Variants in LRIG1 observed in about 807,000 individuals in gnomAD.
LRIG1 encodes leucine rich repeats and immunoglobulin like domains 1.
Under a neutral mutation model 99.2 loss-of-function variants are expected in LRIG1, and 48 were observed. That is an observed-to-expected ratio of 0.48 (90% CI 0.38 to 0.62). The LOEUF is 0.62. Ranked by LOEUF, LRIG1 falls within the 20% of genes least tolerant of loss-of-function variation. LRIG1 has a pLI of 0.00. For synonymous variants in LRIG1, 772 were observed against 596.1 expected, an observed-to-expected ratio of 1.29 and a Z score of -4.30; for missense variants, 1,646 against 1,434.4, an observed-to-expected ratio of 1.15 and a Z score of -2.38.
chr3:66,383,500 G>T, intron 14 of LRIG1, 99 bp from the exon 15 acceptor site: 2 of 1,064,470 alleles, frequency 1.9e-6, no homozygotes, highest in Non-Finnish European at 2.7e-6. Context: ...ATATCAATGA[G>T]ATGCATCTGA....
intron 14 of LRIG1, 58 bp from the exon 15 acceptor site, chr3:66,383,459 G>A (rs1701205925): frequency 5.6e-6 from 8 of 1,436,176 alleles, no homozygotes; most frequent in East Asian, 2.3e-5. Flanking sequence ...CTCTGGCTCT[G>A]CCCGGTCTTC....
At chr3:66,393,980 G>T in intron 12 of LRIG1, 60 bp downstream of exon 12, 1 of 1,566,836 alleles carries the variant, frequency 6.4e-7, no homozygotes, top group Non-Finnish European at 8.7e-7. Context: ...ATAATGAAGA[G>T]TACCTCCTGG....
chr3:66,443,758 T>C (rs1435364708), intron 3 of LRIG1, among the ~76,000 whole-genome samples: 3 of 152,192 alleles, frequency 2.0e-5, no homozygotes, highest in South Asian at 2.1e-4. Flanking sequence ...GAGTGGGGCA[T>C]GTGCTGGCCA....
chr3:66,477,860 C>T (rs34769035), intron 1 of LRIG1, among the ~76,000 whole-genome samples: 125,458 of 151,876 alleles, frequency 0.83, 54,701 homozygotes, highest in Non-Finnish European at 0.97. Context: ...TGATGCACTA[C>T]AGGATAGGAG....
intron 3 of LRIG1, among the ~76,000 whole-genome samples, chr3:66,423,449 T>C (rs1702882634): frequency 6.6e-6 from 1 of 152,148 alleles, no homozygotes; most frequent in African/African-American, 2.4e-5. Context: ...CGCATGCCTG[T>C]AATCCCAGCT....
chr3:66,385,009 T>TG (rs1259902594), intron 13 of LRIG1, among the ~76,000 whole-genome samples: 1 of 152,138 alleles, frequency 6.6e-6, no homozygotes, highest in Non-Finnish European at 1.5e-5. Flanking sequence ...CTGTGATCTG[T>TG]GGGGGCTTAA....
At chr3:66,394,630 C>G (rs903746807) in intron 11 of LRIG1, among the ~76,000 whole-genome samples, 1 of 152,100 alleles carries the variant, frequency 6.6e-6, no homozygotes, top group African/African-American at 2.4e-5. Context: ...ACCATCCCCC[C>G]TCTGGTTTTT....
intron 3 of LRIG1, among the ~76,000 whole-genome samples, chr3:66,419,430 C>G (rs1245062886): frequency 6.6e-6 from 1 of 152,194 alleles, no homozygotes; most frequent in Non-Finnish European, 1.5e-5. Flanking sequence ...GCAGAAGAGG[C>G]AGCCGTGGAG....
chr3:66,486,514 C>T (rs1700978642), intron 1 of LRIG1, among the ~76,000 whole-genome samples: 1 of 152,172 alleles, frequency 6.6e-6, no homozygotes, highest in South Asian at 2.1e-4. Flanking sequence ...CTGCTCTGGG[C>T]TTTTCACTGG....
intron 1 of LRIG1, among the ~76,000 whole-genome samples, chr3:66,495,947 G>C (rs1701217432): frequency 6.6e-6 from 1 of 152,190 alleles, no homozygotes. Context: ...ATGGACTCAG[G>C]GAAGCTGCAG....
chr3:66,452,834 G>A (rs564927247), intron 2 of LRIG1, among the ~76,000 whole-genome samples: 1 of 152,292 alleles, frequency 6.6e-6, no homozygotes, highest in South Asian at 2.1e-4. Context: ...GGCAATTACT[G>A]GGCTGTGGGA....
intron 14 of LRIG1, 74 bp from the exon 15 acceptor site, chr3:66,383,475 A>T: frequency 1.5e-6 from 2 of 1,321,446 alleles, no homozygotes; most frequent in Non-Finnish European, 2.1e-6. Flanking sequence ...TCTTCTGGAC[A>T]ACGGACAATC....
chr3:66,398,589 A>G (rs796735741), intron 10 of LRIG1, among the ~76,000 whole-genome samples: 3 of 152,202 alleles, frequency 2.0e-5, no homozygotes, highest in African/African-American at 7.2e-5. Context: ...CCCAGCACCT[A>G]CTCTGCATTG....
At chr3:66,420,029 A>C (rs1395812840) in intron 3 of LRIG1, among the ~76,000 whole-genome samples, 4 of 152,220 alleles carry the variant, frequency 2.6e-5, no homozygotes, top group Non-Finnish European at 5.9e-5. Flanking sequence ...CCACGGAATA[A>C]GAGAAAATAT....
intron 3 of LRIG1, among the ~76,000 whole-genome samples, chr3:66,421,911 A>G (rs894951622): frequency 3.1e-4 from 47 of 152,250 alleles, no homozygotes; most frequent in Admixed American, 3.0e-3. Context: ...CCAAACCTCA[A>G]CTGTTGACTT....
At chr3:66,452,316 T>C (rs1703932660) in intron 2 of LRIG1, among the ~76,000 whole-genome samples, 1 of 152,222 alleles carries the variant, frequency 6.6e-6, no homozygotes, top group Non-Finnish European at 1.5e-5. Context: ...CAAATATGTA[T>C]TTCCATAGTT....
chr3:66,471,369 A>G (rs1430986236), intron 1 of LRIG1, among the ~76,000 whole-genome samples: 1 of 56,680 alleles, frequency 1.8e-5, no homozygotes, highest in East Asian at 7.8e-4. Context: ...CACCTGCACA[A>G]TAGCCCCCCT....
At chr3:66,474,084 A>G (rs1016671134) in intron 1 of LRIG1, among the ~76,000 whole-genome samples, 3 of 152,232 alleles carry the variant, frequency 2.0e-5, no homozygotes, top group South Asian at 2.1e-4. Flanking sequence ...CAAAAACCAC[A>G]AAGTATTTCA....
intron 3 of LRIG1, among the ~76,000 whole-genome samples, chr3:66,441,860 T>C (rs762130321): frequency 2.0e-5 from 3 of 152,222 alleles, no homozygotes; most frequent in Non-Finnish European, 4.4e-5. Context: ...TTCCTTGCTC[T>C]GTGACGTTGA....
Sources: gnomAD v4.1 joint callset for allele counts (sites outside exome capture counted in the v4.1 genomes callset) on GRCh38, gnomAD v4.1.1 for gene constraint, MANE v1.5 for transcripts, NCBI Gene and HGNC (gene_info 2026-07-23, HGNC 2026-07-21) for gene names.